PCDH15: variants seen among roughly 807,000 people sequenced by gnomAD.
PCDH15 encodes protocadherin-15.
In PCDH15, 129 loss-of-function variants were observed where a neutral mutation model predicts 178.5. That is an observed-to-expected ratio of 0.72 (90% confidence interval 0.63 to 0.84). The LOEUF is 0.84. PCDH15 is among the 40% of genes least tolerant of loss of function. PCDH15 has a pLI of 0.00. For missense variants in PCDH15, 2,230 were observed against 2,099.9 expected, an observed-to-expected ratio of 1.06 and a Z score of -1.21; for synonymous variants, 800 against 732.0, an observed-to-expected ratio of 1.09 and a Z score of -1.50.
chr10:54,018,940 CTAAAGT>C (rs1412632446), intron 20 of PCDH15, among the ~76,000 whole-genome samples: 3 of 151,944 alleles, frequency 2.0e-5, no homozygotes, highest in South Asian at 2.1e-4. Flanking sequence ...AACATGTATA[CTAAAGT>C]TAAATTGTTT....
At chr10:55,148,750 T>C (rs1838602980) in intron 2 of PCDH15, among the ~76,000 whole-genome samples, 1 of 151,328 alleles carries the variant, frequency 6.6e-6, no homozygotes. Context: ...AAGATTTCAC[T>C]CTTTTTCCCT....
At chr10:55,406,509 C>A (rs1011572668) in intron 2 of PCDH15, among the ~76,000 whole-genome samples, 1 of 152,086 alleles carries the variant, frequency 6.6e-6, no homozygotes, top group Non-Finnish European at 1.5e-5. Context: ...AAAGATGATG[C>A]CAGGGTACTG....
chr10:55,010,676 G>A (rs1882469), intron 2 of PCDH15, among the ~76,000 whole-genome samples: 69,878 of 151,874 alleles, frequency 0.46, 17,963 homozygotes, highest in East Asian at 0.75. Context: ...TAAAGAAGCT[G>A]AAGTCTTATT....
chr10:55,256,609 A>G (rs186178733), intron 1 of PCDH15, among the ~76,000 whole-genome samples: 2 of 152,304 alleles, frequency 1.3e-5, no homozygotes, highest in African/African-American at 4.8e-5. Flanking sequence ...TCCCATGCCC[A>G]TGAAGCCTCG....
intron 1 of PCDH15, among the ~76,000 whole-genome samples, chr10:54,669,918 G>C (rs565036581): frequency 2.6e-5 from 4 of 151,792 alleles, no homozygotes. Flanking sequence ...GCTGGGTGTG[G>C]TGGTGCACAC....
intron 26 of PCDH15, among the ~76,000 whole-genome samples, chr10:53,888,412 T>C (rs2133438178): frequency 7.1e-6 from 1 of 141,022 alleles, no homozygotes; most frequent in South Asian, 2.2e-4. Context: ...TATTACAAAT[T>C]TGTCTTACAA....
intron 2 of PCDH15, among the ~76,000 whole-genome samples, chr10:55,081,347 T>C (rs950298656): frequency 6.6e-6 from 1 of 152,166 alleles, no homozygotes; most frequent in East Asian, 1.9e-4. Flanking sequence ...TCCTCTTGTC[T>C]CTTCTTATAG....
At chr10:55,223,039 A>G (rs1840930240) in intron 1 of PCDH15, among the ~76,000 whole-genome samples, 1 of 152,090 alleles carries the variant, frequency 6.6e-6, no homozygotes, top group Non-Finnish European at 1.5e-5. Context: ...GCTTTCTGCA[A>G]TGATGGGAAG....
At chr10:53,936,919 A>G (rs999194437) in intron 25 of PCDH15, among the ~76,000 whole-genome samples, 5 of 152,172 alleles carry the variant, frequency 3.3e-5, no homozygotes, top group Non-Finnish European at 7.4e-5. Flanking sequence ...GATTGACTAT[A>G]GGCCATTAAC....
chr10:55,531,209 G>A (rs1303104435), intron 2 of PCDH15, among the ~76,000 whole-genome samples: 4 of 151,864 alleles, frequency 2.6e-5, no homozygotes, highest in Non-Finnish European at 5.9e-5. Flanking sequence ...CTTTCAATAG[G>A]TTAATTTGGT....
intron 3 of PCDH15, among the ~76,000 whole-genome samples, chr10:54,476,748 T>G (rs1309032637): frequency 6.6e-6 from 1 of 152,120 alleles, no homozygotes; most frequent in African/African-American, 2.4e-5. Context: ...TTTTCTACAC[T>G]CCAGGTTCTT....
intron 3 of PCDH15, among the ~76,000 whole-genome samples, chr10:54,462,661 G>T (rs1379432365): frequency 7.5e-6 from 1 of 133,140 alleles, no homozygotes; most frequent in Non-Finnish European, 1.6e-5. Context: ...ATACAGGCAC[G>T]TGTCACCACA....
At chr10:54,371,668 A>T (rs1247452796) in intron 4 of PCDH15, among the ~76,000 whole-genome samples, 1 of 151,768 alleles carries the variant, frequency 6.6e-6, no homozygotes, top group Non-Finnish European at 1.5e-5. Context: ...ATCTCATGTA[A>T]CTCATATGCA....
chr10:54,362,389 C>G (rs951242295), intron 5 of PCDH15, among the ~76,000 whole-genome samples: 2 of 151,784 alleles, frequency 1.3e-5, no homozygotes, highest in Non-Finnish European at 2.9e-5. Flanking sequence ...GACATTTAAC[C>G]TGGTAAGCAG....
chr10:54,928,016 G>T, intron 2 of PCDH15, among the ~76,000 whole-genome samples: 1 of 152,050 alleles, frequency 6.6e-6, no homozygotes, highest in South Asian at 2.1e-4. Flanking sequence ...TGTTTATGTG[G>T]TTGCTTTATA....
intron 26 of PCDH15, among the ~76,000 whole-genome samples, chr10:53,900,964 A>G (rs1032177413): frequency 2.0e-5 from 3 of 152,140 alleles, no homozygotes; most frequent in Non-Finnish European, 4.4e-5. Context: ...GTGGTGATGT[A>G]AAAATCCACA....
intron 2 of PCDH15, among the ~76,000 whole-genome samples, chr10:55,455,324 A>G (rs2132085862): frequency 6.6e-6 from 1 of 152,294 alleles, no homozygotes; most frequent in East Asian, 1.9e-4. Flanking sequence ...AATGTAAAAC[A>G]TCTCTGGAAG....
intron 6 of PCDH15, among the ~76,000 whole-genome samples, chr10:54,335,312 A>G (rs1032937772): frequency 2.0e-5 from 3 of 152,202 alleles, no homozygotes; most frequent in African/African-American, 7.2e-5. Flanking sequence ...GAAGTAAGTT[A>G]AAACAAAACC....
chr10:54,241,867 G>GTTTAATAACCTTAAAATTATTATTTTAAT (rs2055338412), intron 8 of PCDH15, among the ~76,000 whole-genome samples: 1 of 150,674 alleles, frequency 6.6e-6, no homozygotes, highest in Non-Finnish European at 1.5e-5. Flanking sequence ...TAATTATATG[G>GTTTAATAACCTTAAAATTATTATTTTAAT]TTTAAGAACC....
Sources: allele counts gnomAD v4.1 joint callset (sites outside exome capture counted in the v4.1 genomes callset), GRCh38; gene constraint gnomAD v4.1.1; transcripts MANE v1.5; gene names NCBI Gene and HGNC (gene_info 2026-07-23, HGNC 2026-07-21).